Variants in HYCC1 observed in about 807,000 individuals in gnomAD.
The protein encoded by HYCC1 is hyccin.
the HYCC1 span, among the ~76,000 whole-genome samples, chr7:22,920,406 C>A: frequency 6.6e-6 from 1 of 151,924 alleles, no homozygotes; most frequent in East Asian, 1.9e-4. Context: ...AACATCTTAT[C>A]ACATATAAGA....
the HYCC1 span, among the ~76,000 whole-genome samples, chr7:22,978,836 G>A: frequency 6.6e-6 from 1 of 152,076 alleles, no homozygotes; most frequent in African/African-American, 2.4e-5. Flanking sequence ...AAATATTGCT[G>A]TAATTTTATT....
At chr7:22,913,491 G>A in the HYCC1 span, among the ~76,000 whole-genome samples, 22 of 152,298 alleles carry the variant, frequency 1.4e-4, no homozygotes, top group Admixed American at 9.8e-4. Flanking sequence ...CCAAGCCTGC[G>A]TGTATACATC....
chr7:23,004,343 C>T, the HYCC1 span, among the ~76,000 whole-genome samples: 1 of 152,188 alleles, frequency 6.6e-6, no homozygotes, highest in South Asian at 2.1e-4. Context: ...GACCCTTTCA[C>T]CAATAACTAA....
the HYCC1 span, among the ~76,000 whole-genome samples, chr7:22,909,504 A>G: frequency 6.6e-6 from 1 of 152,170 alleles, no homozygotes; most frequent in Admixed American, 6.5e-5. Context: ...CACTCCACGC[A>G]TGTCTTCTAC....
the HYCC1 span, chr7:22,945,512 G>C: frequency 8.2e-4 from 877 of 1,072,996 alleles, 4 homozygotes; most frequent in Middle Eastern, 5.2e-3. Flanking sequence ...ACGGATGAAA[G>C]ACCCAGGGTA....
the HYCC1 span, among the ~76,000 whole-genome samples, chr7:22,927,338 A>G: frequency 1.3e-5 from 2 of 151,870 alleles, no homozygotes; most frequent in Non-Finnish European, 2.9e-5. Flanking sequence ...AGATCAGAGC[A>G]GAACTGAAGG....
At chr7:22,995,026 A>G in the HYCC1 span, among the ~76,000 whole-genome samples, 1 of 152,080 alleles carries the variant, frequency 6.6e-6, no homozygotes, top group African/African-American at 2.4e-5. Flanking sequence ...CAGTTCTTCA[A>G]ATGTTGCTTT....
At chr7:22,964,109 CA>C in the HYCC1 span, among the ~76,000 whole-genome samples, 68 of 142,506 alleles carry the variant, frequency 4.8e-4, no homozygotes, top group Admixed American at 9.0e-4. Context: ...GAAATTATAG[CA>C]AAAAAAAAAA....
chr7:22,964,351 G>A, the HYCC1 span: 1 of 922,696 alleles, frequency 1.1e-6, no homozygotes, highest in Admixed American at 1.7e-5. Flanking sequence ...AGTGACAATA[G>A]ATGAACAGAC....
chr7:22,923,844 A>C, the HYCC1 span, among the ~76,000 whole-genome samples: 2 of 152,026 alleles, frequency 1.3e-5, no homozygotes, highest in Non-Finnish European at 2.9e-5. Context: ...GAAGGTACAA[A>C]CTACCGAAAA....
At chr7:22,936,091 G>T in the HYCC1 span, 2 of 151,310 alleles carry the variant, frequency 1.3e-5, no homozygotes, top group African/African-American at 4.9e-5. Flanking sequence ...TTTCTTAGAA[G>T]CAATATTTTG....
chr7:22,947,561 T>A, the HYCC1 span, among the ~76,000 whole-genome samples: 1 of 152,116 alleles, frequency 6.6e-6, no homozygotes, highest in African/African-American at 2.4e-5. Flanking sequence ...AATTTGTTTT[T>A]AAATTGTTCT....
chr7:22,939,409 C>T, the HYCC1 span: 10 of 152,198 alleles, frequency 6.6e-5, no homozygotes, highest in South Asian at 1.5e-3. Context: ...TTTCCCCATA[C>T]CAATGTCAAT....
At chr7:22,977,275 G>C in the HYCC1 span, 1 of 1,004,886 alleles carries the variant, frequency 1.0e-6, no homozygotes, top group East Asian at 2.4e-5. Context: ...TAAATAACTA[G>C]ATTATAACTT....
the HYCC1 span, among the ~76,000 whole-genome samples, chr7:23,000,424 C>T: frequency 1.3e-5 from 2 of 151,904 alleles, no homozygotes; most frequent in Admixed American, 6.5e-5. Context: ...AATATATCTG[C>T]TCTATCAAAA....
At chr7:22,971,402 G>A in the HYCC1 span, among the ~76,000 whole-genome samples, 4 of 150,558 alleles carry the variant, frequency 2.7e-5, no homozygotes, top group Non-Finnish European at 5.9e-5. Flanking sequence ...GAAACAGGCC[G>A]GGTGTGGTGG....
At chr7:22,919,059 T>A in the HYCC1 span, among the ~76,000 whole-genome samples, 1 of 152,134 alleles carries the variant, frequency 6.6e-6, no homozygotes, top group Non-Finnish European at 1.5e-5. Flanking sequence ...TTACCTAAAA[T>A]GTCCAATTTT....
At chr7:22,997,735 A>G in the HYCC1 span, among the ~76,000 whole-genome samples, 22 of 152,180 alleles carry the variant, frequency 1.4e-4, no homozygotes, top group African/African-American at 5.3e-4. Flanking sequence ...TCAAGGCACC[A>G]GGAGAAGTAA....
At chr7:22,936,440 T>G in the HYCC1 span, 1 of 152,368 alleles carries the variant, frequency 6.6e-6, no homozygotes, top group East Asian at 1.9e-4. Context: ...GAACAAAGGC[T>G]GGAATACCAA....
Sources: allele counts gnomAD v4.1 joint callset (sites outside exome capture counted in the v4.1 genomes callset), GRCh38; gene constraint gnomAD v4.1.1; transcripts MANE v1.5; gene names NCBI Gene and HGNC (gene_info 2026-07-23, HGNC 2026-07-21).